Variants in SLC24A2 observed in about 807,000 individuals in gnomAD.
SLC24A2 encodes solute carrier family 24 member 2.
Under a neutral mutation model 62.0 loss-of-function variants are expected in SLC24A2, and 36 were observed. That is an observed-to-expected ratio of 0.58 (90% CI 0.44 to 0.77). The LOEUF (loss-of-function observed/expected upper bound fraction) is 0.77. Among genes scored for constraint, SLC24A2 ranks in the 30% least tolerant of loss-of-function variants. The probability of loss-of-function intolerance (pLI) is 0.00; values close to 1 mark genes in which losing one functional copy is unlikely to be tolerated. For synonymous variants in SLC24A2, 358 were observed against 294.0 expected, an observed-to-expected ratio of 1.22 and a Z score of -2.23; for missense variants, 846 against 817.9, an observed-to-expected ratio of 1.03 and a Z score of -0.42.
Position 19,623,794 on chromosome 9 carries a change from C to T in SLC24A2, c.931-1495G>A, listed in dbSNP as rs533579771. ...TCAATACCAATGTGTTTTTTTCCCC[C>T]TTCTGGTTCCAAGCATTTTTATAGG... On this transcript the variant is annotated intron_variant, in intron 2 of 10. Transcript: ENST00000341998. 1.1e-3 allele frequency among the ~76,000 whole-genome samples: 166 copies of T among 152,240 alleles called. 1 individual carries two copies. Among genetic ancestry groups the T allele is most frequent in the Admixed American group, 9.8e-4 (15 of 15,298 alleles).
the SLC24A2 span, among the ~76,000 whole-genome samples, chr9:19,960,835 T>C: frequency 6.6e-6 from 1 of 152,200 alleles, no homozygotes; most frequent in Non-Finnish European, 1.5e-5. Flanking sequence ...GCATTAAGTG[T>C]GATAACATAT....
At position 19,787,033 on chromosome 9, in the gene SLC24A2, A is replaced by G. The variant is rs1321786039; in HGVS notation, c.-153-14T>C. On this transcript the variant is annotated splice_polypyrimidine_tract_variant and intron_variant, in intron 1 of 10. Transcript: ENST00000341998. ...TCATCATTTATGCTTAAATAAAAAT[A>G]AAAACGAGAATAAGTAAATCATAAA... is the stretch of plus-strand genomic sequence containing the variant. The G allele has an allele frequency of 2.2e-6, 3 of 1,370,618 alleles. No homozygotes were observed. The Admixed American group carries it at 9.4e-5, about 43-fold the overall frequency. 84.9% of individuals were successfully genotyped at this position (1,370,618 alleles called of 1,614,324 possible). A position where few individuals can be genotyped will look rare whatever the true frequency, so the allele number is the denominator to read the frequency against.
chr9:19,892,912 AG>A, the SLC24A2 span, among the ~76,000 whole-genome samples: 1 of 152,136 alleles, frequency 6.6e-6, no homozygotes, highest in Non-Finnish European at 1.5e-5. Flanking sequence ...TTTGTCTAAC[AG>A]GCTGCCCAAG....
At chr9:20,168,212 G>A in the SLC24A2 span, among the ~76,000 whole-genome samples, 1 of 151,878 alleles carries the variant, frequency 6.6e-6, no homozygotes, top group Non-Finnish European at 1.5e-5. Context: ...AAACAAATGT[G>A]GCAAAATGAC....
the SLC24A2 span, among the ~76,000 whole-genome samples, chr9:19,882,766 T>A: frequency 6.6e-6 from 1 of 152,040 alleles, no homozygotes; most frequent in South Asian, 2.1e-4. Flanking sequence ...GTTAGAGAAT[T>A]TAGCTCAATG....
chr9:19,584,273 TAA>T (rs5896848), intron 5 of SLC24A2, among the ~76,000 whole-genome samples: 5,899 of 119,880 alleles, frequency 0.049, 335 homozygotes, highest in African/African-American at 0.15. Context: ...TAGCAAATAG[TAA>T]AAAAAAAAAA....
rs866467623 is a variant in SLC24A2, at chr9:19,509,265, C to G, written c.*6888G>C. The G allele has an allele frequency of 9.9e-5, 15 of 152,130 alleles. No individual in the cohort carries two copies. The highest frequency in any genetic ancestry group is 3.6e-4 in the African/African-American group (15 of 41,522). The allele number at this position is 152,130 out of a possible 1,614,324, so 9.4% of individuals were successfully genotyped here. ...AAACTGTAATAAGCTATTTTGAAAA[C>G]GAAGACTGCTTTTGTGAAATGAATA... On this transcript the variant is annotated 3_prime_UTR_variant, in exon 11 of 11. Coordinates refer to ENST00000341998, the MANE Select transcript of SLC24A2 (RefSeq NM_020344.4).
intron 10 of SLC24A2, 146 bp downstream of exon 10, chr9:19,520,748 A>G: frequency 1.3e-6 from 1 of 762,444 alleles, no homozygotes; most frequent in Non-Finnish European, 2.3e-6. Context: ...AGAATTGGGG[A>G]AATGCAATGG....
intron 8 of SLC24A2, among the ~76,000 whole-genome samples, chr9:19,548,809 C>G (rs1330558522): frequency 6.6e-6 from 1 of 152,238 alleles, no homozygotes; most frequent in African/African-American, 2.4e-5. Context: ...TTGCTCCCGC[C>G]AAGGGCCAGC....
the SLC24A2 span, among the ~76,000 whole-genome samples, chr9:20,033,988 A>C: frequency 2.6e-5 from 4 of 152,208 alleles, no homozygotes; most frequent in South Asian, 4.1e-4. Context: ...TTCTAGGCTG[A>C]ACCTCAAAAT....
the SLC24A2 span, among the ~76,000 whole-genome samples, chr9:20,047,065 G>A: frequency 1.3e-5 from 2 of 152,052 alleles, no homozygotes; most frequent in African/African-American, 4.8e-5. Context: ...GTTTGGGAAG[G>A]AGCCGGGTTC....
At chr9:19,870,323 C>T in the SLC24A2 span, among the ~76,000 whole-genome samples, 1 of 152,170 alleles carries the variant, frequency 6.6e-6, no homozygotes, top group Non-Finnish European at 1.5e-5. Flanking sequence ...TTTCAATGCT[C>T]ATCCATGTTA....
upstream of SLC24A2, among the ~76,000 whole-genome samples, chr9:19,790,410 T>C (rs1823301067): frequency 6.6e-6 from 1 of 151,904 alleles, no homozygotes; most frequent in East Asian, 1.9e-4. Flanking sequence ...GAGCATCATA[T>C]CATTTTATCT....
At chr9:20,184,944 C>A in the SLC24A2 span, among the ~76,000 whole-genome samples, 3 of 152,050 alleles carry the variant, frequency 2.0e-5, no homozygotes, top group African/African-American at 4.8e-5. Context: ...TCATTTGCAA[C>A]AACATGGATA....
At chr9:19,907,047 C>A in the SLC24A2 span, among the ~76,000 whole-genome samples, 2 of 152,184 alleles carry the variant, frequency 1.3e-5, no homozygotes, top group African/African-American at 2.4e-5. Context: ...AGACCAATAT[C>A]CCTGATGAAC....
chr9:19,832,233 C>A, the SLC24A2 span, among the ~76,000 whole-genome samples: 1 of 152,220 alleles, frequency 6.6e-6, no homozygotes, highest in Non-Finnish European at 1.5e-5. Flanking sequence ...ACACCAGTAC[C>A]ATTTAGAAGT....
intron 2 of SLC24A2, among the ~76,000 whole-genome samples, chr9:19,673,431 G>T (rs998696626): frequency 9.5e-6 from 1 of 104,856 alleles, no homozygotes; most frequent in Non-Finnish European, 1.8e-5. Flanking sequence ...TCTTGTGTGT[G>T]TATGTGTGTG....
chr9:19,967,916 T>A, the SLC24A2 span: 1 of 152,298 alleles, frequency 6.6e-6, no homozygotes, highest in African/African-American at 2.4e-5. Flanking sequence ...CTGAGCATCC[T>A]TGAAAAACCA....
chr9:19,648,840 C>G (rs1216680244), intron 2 of SLC24A2, among the ~76,000 whole-genome samples: 1 of 152,042 alleles, frequency 6.6e-6, no homozygotes, highest in Non-Finnish European at 1.5e-5. Flanking sequence ...CAGTTTCACA[C>G]AGACCACCCA....
Sources: gnomAD v4.1 joint callset for allele counts (sites outside exome capture counted in the v4.1 genomes callset) on GRCh38, gnomAD v4.1.1 for gene constraint, MANE v1.5 for transcripts, NCBI Gene and HGNC (gene_info 2026-07-23, HGNC 2026-07-21) for gene names.